SUGP1: variants seen among roughly 807,000 people sequenced by gnomAD.
The protein encoded by SUGP1 is SURP and G-patch domain containing 1.
Under a neutral mutation model 76.5 loss-of-function variants are expected in SUGP1, and 34 were observed. The ratio of observed to expected loss-of-function variants is 0.44; its 90% CI spans 0.34 to 0.59. The LOEUF is 0.59. Ranked by LOEUF, SUGP1 falls within the 20% of genes least tolerant of loss-of-function variation. SUGP1 has a pLI of 0.01. For synonymous variants in SUGP1, 326 were observed against 326.2 expected, an observed-to-expected ratio of 1.00 and a Z score of 0.01; for missense variants, 752 against 851.7, an observed-to-expected ratio of 0.88 and a Z score of 1.46.
At chr19:19,315,951 C>T (rs527516300) in intron 2 of SUGP1, among the ~76,000 whole-genome samples, 1 of 152,124 alleles carries the variant, frequency 6.6e-6, no homozygotes, top group South Asian at 2.1e-4. Context: ...CGTGCCTCAG[C>T]CTCCTGAGCA....
chr19:19,293,350 A>G (rs2061200358), intron 8 of SUGP1, among the ~76,000 whole-genome samples: 1 of 151,614 alleles, frequency 6.6e-6, no homozygotes, highest in African/African-American at 2.4e-5. Flanking sequence ...TTGGGAGGCC[A>G]AGGCAGGCGG....
intron 8 of SUGP1, among the ~76,000 whole-genome samples, chr19:19,289,126 C>T (rs555922204): frequency 4.6e-5 from 7 of 152,128 alleles, no homozygotes; most frequent in African/African-American, 1.7e-4. Context: ...TGTCCCAACC[C>T]CCATGTTGTT....
rs768166418 is a variant in SUGP1 at position 19,296,993 on chromosome 19, C to T, written c.1239G>A (p.Leu413=). 12 of 1,572,354 alleles carry T rather than the reference C, an allele frequency of 7.6e-6. No homozygotes were observed. Among genetic ancestry groups the T allele is most frequent in the African/African-American group, 1.4e-5 (1 of 74,072 alleles). The change falls in exon 8 of 14, where the codon CTG becomes CTA. Residue 413 remains leucine (L), a synonymous_variant. Transcript: ENST00000247001. The part of the protein sequence containing the change: ...QRDVDASPSP[L]SVQDLKGLGY... ...AGGGGGAGAGGGTCTGCCCACCTGA[C>T]AGAGGCGAGGGAGAGGCATCCACGT... is the stretch of plus-strand genomic sequence containing the variant.
At position 19,276,574 on chromosome 19, in the gene SUGP1, G is replaced by A; in HGVS notation, c.*74C>T. On this transcript the variant is annotated 3_prime_UTR_variant, in exon 14 of 14. Coordinates refer to ENST00000247001, the MANE Select transcript of SUGP1 (RefSeq NM_172231.4). ...GCACTCGTGACAACGGAAGGGGTGG[G>A]CAGAAATGCAGGCCGGAACATTCCA... 1 of 1,580,116 alleles carries A rather than the reference G, an allele frequency of 6.3e-7. No homozygotes were observed. The highest frequency in any genetic ancestry group is 8.7e-7 in the Non-Finnish European group (1 of 1,150,522).
At chr19:19,282,250 G>A (rs1184337019) in intron 8 of SUGP1, among the ~76,000 whole-genome samples, 1 of 151,882 alleles carries the variant, frequency 6.6e-6, no homozygotes, top group Non-Finnish European at 1.5e-5. Flanking sequence ...AAAGTGCTGG[G>A]ATTACAGGCG....
chr19:19,278,859 G>A, intron 10 of SUGP1, 63 bp from the exon 11 acceptor site: 1 of 1,504,120 alleles, frequency 6.6e-7, no homozygotes, highest in East Asian at 2.4e-5. Context: ...CAGGCCTGGT[G>A]GCTCCCAGGG....
At position 19,297,228 on chromosome 19, in the gene SUGP1, T is replaced by C. The variant is rs1314127316; in HGVS notation, c.1004A>G (p.Lys335Arg). Reference protein sequence around the residue: ...GSFTAPDPGLKRKSPPEALSG... With the variant: ...GSFTAPDPGLRRKSPPEALSG... Reference sequence around the variant, plus strand: ...CAGGGCCTCAGGAGGGGACTTGCGCTTCAGGCCGGGATCAGGTGCTGTGAA... The same window carrying C: ...CAGGGCCTCAGGAGGGGACTTGCGCCTCAGGCCGGGATCAGGTGCTGTGAA... Residue 335 changes from lysine (K) to arginine (R), a missense_variant, in exon 8 of 14, where the codon AAG becomes AGG. By Grantham distance (26) the Lys-to-Arg change is conservative. Transcript: ENST00000247001. 4 of 1,598,212 alleles carry C rather than the reference T, an allele frequency of 2.5e-6. No individual in the cohort carries two copies. Among genetic ancestry groups the C allele is most frequent in the Non-Finnish European group, 8.6e-7 (1 of 1,168,426 alleles).
intron 2 of SUGP1, among the ~76,000 whole-genome samples, chr19:19,312,152 A>G (rs1334401493): frequency 6.6e-6 from 1 of 152,148 alleles, no homozygotes; most frequent in African/African-American, 2.4e-5. Flanking sequence ...ACCGGAGCCC[A>G]GGAGGTCAAG....
At chr19:19,313,845 TAC>T (rs1375138725) in intron 2 of SUGP1, among the ~76,000 whole-genome samples, 1 of 151,490 alleles carries the variant, frequency 6.6e-6, no homozygotes, top group African/African-American at 2.4e-5. Flanking sequence ...TCAACTAAAA[TAC>T]AAAAAAATGG....
rs772687437 is a variant in SUGP1, at chr19:19,279,342, C to T, written c.1399G>A (p.Asp467Asn). 1 of 1,610,474 alleles carries T rather than the reference C, an allele frequency of 6.2e-7. No individual in the cohort carries two copies. Among genetic ancestry groups the T allele is most frequent in the South Asian group, 1.1e-5 (1 of 90,806 alleles). ...MIMQHKRAMQ[D>N]MQLLWEKAVQ... ...GCCTTCTCCCACAGCAGCTGCATGT[C>T]CTGCATGGCCCGCTTGTGCTGCATG... Residue 467 changes from aspartate (D) to asparagine (N), a missense_variant, in exon 10 of 14, where the codon GAC becomes AAC. Physicochemically the swap from Asp to Asn is conservative, Grantham distance 23 (BLOSUM62 1). This residue lies in a region of SUGP1 where 620 missense variants were observed against 617.3 expected (regional missense o/e 1.00). Transcript: ENST00000247001.
In SUGP1 at chr19:19,302,426, C is replaced by T. The variant is rs201788553; in HGVS notation, c.764-38G>A. 8.1e-6 allele frequency: 13 copies of T among 1,601,590 alleles called. 1 individual carries two copies. The highest frequency in any genetic ancestry group is 2.2e-5 in the South Asian group (2 of 90,228). ...TGTCAGTACTGGGCTCAACTCACCA[C>T]ACCCAACAGCCTAATTTCTGCTAAG... On this transcript the variant is annotated intron_variant, in intron 6 of 13. Transcript: ENST00000247001.
At chr19:19,279,163 G>A in intron 10 of SUGP1, 50 bp downstream of exon 10, 1 of 1,511,560 alleles carries the variant, frequency 6.6e-7, no homozygotes, top group Non-Finnish European at 8.9e-7. Context: ...CAGGGCAGGT[G>A]AGGGGGGCCA....
At position 19,277,027 on chromosome 19, in the gene SUGP1, C is replaced by G. The variant is rs1003049894; in HGVS notation, c.1831G>C (p.Glu611Gln). 5.0e-6 allele frequency: 8 copies of G among 1,612,382 alleles called. No individual in the cohort carries two copies. In the African/African-American group the frequency reaches 9.3e-5, roughly 19 times the overall value. The change falls in exon 13 of 14, where the codon GAG becomes CAG. Residue 611 changes from glutamate (E) to glutamine (Q), a missense_variant. By Grantham distance (29) the Glu-to-Gln change is conservative. This residue lies in a region of SUGP1 where 132 missense variants were observed against 234.4 expected (regional missense o/e 0.56). Coordinates refer to ENST00000247001, the MANE Select transcript of SUGP1 (RefSeq NM_172231.4). ...TACTCGTCGTCCTCCTTGGAGAGCT[C>G]CGCCGGCCGGTCAATGCCGAAGCCA... ...GAGFGIDRPA[E>Q]LSKEDDEYEA...
At chr19:19,299,635 G>A (rs2061256093) in intron 7 of SUGP1, among the ~76,000 whole-genome samples, 1 of 151,374 alleles carries the variant, frequency 6.6e-6, no homozygotes. Context: ...ACCCCGCTCA[G>A]CCTCCCAAAG....
chr19:19,302,957 C>T (rs887313577), intron 6 of SUGP1, among the ~76,000 whole-genome samples: 1 of 152,208 alleles, frequency 6.6e-6, no homozygotes, highest in African/African-American at 2.4e-5. Flanking sequence ...CGGCCCTACA[C>T]TACACTTGCC....
chr19:19,279,745 C>T (rs576602067), intron 9 of SUGP1, among the ~76,000 whole-genome samples: 4 of 152,304 alleles, frequency 2.6e-5, no homozygotes, highest in East Asian at 1.9e-4. Context: ...GAGCCAACAC[C>T]GACACTGCCC....
chr19:19,282,080 A>C (rs539728403), intron 8 of SUGP1, among the ~76,000 whole-genome samples: 1 of 152,170 alleles, frequency 6.6e-6, no homozygotes, highest in Admixed American at 6.5e-5. Flanking sequence ...CCCAGGATCA[A>C]GCAATTCTCC....
Position 19,289,726 on chromosome 19 carries a change from C to T in SUGP1, c.1243+7263G>A, listed in dbSNP as rs571641395. Among the ~76,000 whole-genome samples the T allele has an allele frequency of 4.6e-5, 7 of 151,840 alleles. No individual in the cohort carries two copies. The South Asian group carries it at 8.3e-4, about 18-fold the overall frequency. Reference sequence around the variant, plus strand: ...TAGTGCCACAGCACTCCAGCCTGGGCGACAGAGGGAGACTCTGCCTCAAAA... The same window carrying T: ...TAGTGCCACAGCACTCCAGCCTGGGTGACAGAGGGAGACTCTGCCTCAAAA... On this transcript the variant is annotated intron_variant, in intron 8 of 13. Coordinates refer to ENST00000247001, the MANE Select transcript of SUGP1 (RefSeq NM_172231.4).
chr19:19,309,956 G>A (rs758009557), intron 3 of SUGP1, 141 bp downstream of exon 3: 42 of 540,600 alleles, frequency 7.8e-5, no homozygotes, highest in Non-Finnish European at 1.2e-4. Context: ...TATGCCTTTG[G>A]TGCACGCATG....
Sources: gnomAD v4.1 joint callset for allele counts (sites outside exome capture counted in the v4.1 genomes callset) on GRCh38, gnomAD v4.1.1 for gene constraint, gnomAD v4.1.1 regional missense constraint, MANE v1.5 for transcripts, NCBI Gene and HGNC (gene_info 2026-07-23, HGNC 2026-07-21) for gene names.